Variants in CNBD1 observed in about 807,000 individuals in gnomAD.
The protein encoded by CNBD1 is cyclic nucleotide-binding domain-containing protein 1.
CNBD1 carries 71 observed loss-of-function variants against 54.4 expected under a neutral mutation model. The observed-to-expected ratio is 1.30, with a 90% confidence interval of 1.08 to 1.59. The LOEUF is 1.59. Among genes scored for constraint, CNBD1 ranks in the 40% most tolerant of loss-of-function variants. The pLI, the probability that CNBD1 is intolerant of heterozygous loss-of-function variation, is 0.00. For synonymous variants in CNBD1, 182 were observed against 170.7 expected (o/e 1.07, Z -0.51); for missense variants, 659 against 518.0 (o/e 1.27, Z -2.64).
At chr8:87,353,817 A>G (rs994186899) in intron 10 of CNBD1, 31 bp downstream of exon 10, 9 of 1,526,096 alleles carry the variant, frequency 5.9e-6, no homozygotes, top group Non-Finnish European at 8.0e-6. Flanking sequence ...TAACTGTTAT[A>G]CCATTTTATT....
At chr8:87,144,094 T>A (rs1812432579) in intron 4 of CNBD1, among the ~76,000 whole-genome samples, 1 of 152,194 alleles carries the variant, frequency 6.6e-6, no homozygotes, top group African/African-American at 2.4e-5. Flanking sequence ...TTCAGTGGTG[T>A]GATGGAAAGA....
chr8:87,016,499 A>G (rs1809359524), intron 4 of CNBD1, among the ~76,000 whole-genome samples: 1 of 151,586 alleles, frequency 6.6e-6, no homozygotes, highest in South Asian at 2.1e-4. Flanking sequence ...CCTAAGCCCT[A>G]TGGTTATCAA....
rs144366783 is a variant in CNBD1, at chr8:87,242,905, A to T, written c.771+5793A>T. ...AAATATTCTTTATTTTCTTGTATCA[A>T]TTACTAGCTAGTCTGTCAATAACAA... On this transcript the variant is annotated intron_variant, in intron 6 of 10. Transcript: ENST00000518476. Among the ~76,000 whole-genome samples the T allele has an allele frequency of 6.2e-3, 940 of 152,338 alleles. 9 individuals carry two copies. Among genetic ancestry groups the T allele is most frequent in the Non-Finnish European group, 0.011 (734 of 68,028 alleles).
chr8:87,243,870 G>A (rs1468649576), intron 6 of CNBD1, among the ~76,000 whole-genome samples: 1 of 151,908 alleles, frequency 6.6e-6, no homozygotes, highest in Non-Finnish European at 1.5e-5. Context: ...AAAAGACACA[G>A]AATGTGATTT....
intron 8 of CNBD1, among the ~76,000 whole-genome samples, chr8:87,297,483 T>C (rs1808900753): frequency 6.6e-6 from 1 of 152,176 alleles, no homozygotes; most frequent in African/African-American, 2.4e-5. Flanking sequence ...AATATTGGCA[T>C]AACAGATATA....
intron 4 of CNBD1, among the ~76,000 whole-genome samples, chr8:87,117,475 CACTT>C (rs35264479): frequency 0.16 from 24,150 of 150,820 alleles, 2,112 homozygotes; most frequent in Non-Finnish European, 0.2. Flanking sequence ...TGATGAGAGA[CACTT>C]ACTAGTTATT....
intron 4 of CNBD1, among the ~76,000 whole-genome samples, chr8:87,112,616 A>G (rs187293512): frequency 3.5e-4 from 54 of 152,148 alleles, no homozygotes; most frequent in Non-Finnish European, 4.6e-4. Context: ...TGCAGTTCCT[A>G]TTTTTTCCCC....
intron 1 of CNBD1, among the ~76,000 whole-genome samples, chr8:86,867,699 A>T (rs1313151651): frequency 1.3e-5 from 2 of 152,208 alleles, no homozygotes; most frequent in African/African-American, 4.8e-5. Context: ...AGCTTCTACT[A>T]TTCATGTTTT....
At chr8:87,331,397 C>A (rs1442500118) in intron 8 of CNBD1, among the ~76,000 whole-genome samples, 1 of 152,188 alleles carries the variant, frequency 6.6e-6, no homozygotes, top group East Asian at 1.9e-4. Flanking sequence ...TGATCTCATT[C>A]CTTTCTGTAG....
At chr8:86,988,013 T>A (rs2130521451) in intron 4 of CNBD1, among the ~76,000 whole-genome samples, 1 of 152,244 alleles carries the variant, frequency 6.6e-6, no homozygotes, top group Admixed American at 6.6e-5. Flanking sequence ...TAGCTTAATA[T>A]AATGAGCAGG....
chr8:87,404,139 G>C (rs1209360271), intron 2 of CNBD1, among the ~76,000 whole-genome samples: 5 of 152,052 alleles, frequency 3.3e-5, no homozygotes, highest in African/African-American at 1.2e-4. Context: ...CAGCAGGGGA[G>C]AAACTCAGAT....
intron 1 of CNBD1, among the ~76,000 whole-genome samples, chr8:86,869,007 G>C (rs968920337): frequency 6.7e-6 from 1 of 148,308 alleles, no homozygotes; most frequent in South Asian, 2.1e-4. Context: ...GAAGATGGAG[G>C]GGGGACAAAA....
At chr8:87,183,819 G>C (rs973028074) in intron 4 of CNBD1, among the ~76,000 whole-genome samples, 7 of 152,178 alleles carry the variant, frequency 4.6e-5, no homozygotes, top group African/African-American at 1.7e-4. Flanking sequence ...GTTCAGCATT[G>C]CTGGGCTGTA....
intron 4 of CNBD1, among the ~76,000 whole-genome samples, chr8:87,165,164 A>T (rs1440846938): frequency 6.6e-6 from 1 of 151,876 alleles, no homozygotes; most frequent in African/African-American, 2.4e-5. Context: ...GTTCATAATT[A>T]TTTGTGGCCT....
intron 6 of CNBD1, among the ~76,000 whole-genome samples, chr8:87,275,429 T>C (rs1161110951): frequency 1.3e-5 from 2 of 152,064 alleles, no homozygotes; most frequent in African/African-American, 4.8e-5. Context: ...CTTCCATTTG[T>C]TTGTATCCGC....
At chr8:86,952,529 C>T (rs1807651554) in intron 4 of CNBD1, among the ~76,000 whole-genome samples, 2 of 151,696 alleles carry the variant, frequency 1.3e-5, no homozygotes, top group South Asian at 4.2e-4. Context: ...TATATATTTG[C>T]TGGTCATGTG....
At chr8:87,169,656 G>A (rs548080761) in intron 4 of CNBD1, among the ~76,000 whole-genome samples, 16 of 152,084 alleles carry the variant, frequency 1.1e-4, no homozygotes, top group Middle Eastern at 3.4e-3. Context: ...ACCATTTATT[G>A]AAGAGACTGT....
Position 87,258,137 on chromosome 8 carries a change from A to T in CNBD1, c.771+21025A>T, listed in dbSNP as rs150941523. On this transcript the variant is annotated intron_variant, in intron 6 of 10. Transcript: ENST00000518476. ...TTTAAGTGCCCTCTGTATCATCCCA[A>T]AGTTAGAGATCAGAAAAGACCATTT... Among the ~76,000 whole-genome samples the T allele has an allele frequency of 1.2e-4, 18 of 152,248 alleles. No individual in the cohort carries two copies. The East Asian group carries it at 3.5e-3, about 29-fold the overall frequency.
At chr8:87,385,518 T>G (rs1202119225), downstream of CNBD1, among the ~76,000 whole-genome samples, 1 of 152,036 alleles carries the variant, frequency 6.6e-6, no homozygotes, top group East Asian at 1.9e-4. Context: ...CCTTGCTCAT[T>G]GCTAGCACAG....
Sources: gnomAD v4.1 joint callset for allele counts (sites outside exome capture counted in the v4.1 genomes callset) on GRCh38, gnomAD v4.1.1 for gene constraint, MANE v1.5 for transcripts, NCBI Gene and HGNC (gene_info 2026-07-23, HGNC 2026-07-21) for gene names.